VDAC1: variants seen among roughly 807,000 people sequenced by gnomAD.
VDAC1 encodes the protein voltage dependent anion channel 1, also known as non-selective voltage-gated ion channel VDAC1.
A neutral mutation model predicts 34.7 loss-of-function variants in VDAC1; 10 were observed. The ratio of observed to expected loss-of-function variants is 0.29; its 90% CI spans 0.18 to 0.49. VDAC1 has a LOEUF of 0.49. Ranked by LOEUF, VDAC1 falls within the 20% of genes least tolerant of loss-of-function variation. The pLI is 0.99. For missense variants in VDAC1, 230 were observed against 347.9 expected (o/e 0.66, Z 2.69); for synonymous variants, 130 against 136.0 (o/e 0.96, Z 0.30).
At chr5:134,016,700 A>G in the VDAC1 span, among the ~76,000 whole-genome samples, 1 of 152,224 alleles carries the variant, frequency 6.6e-6, no homozygotes, top group Non-Finnish European at 1.5e-5. Flanking sequence ...TGAAAAATAG[A>G]AAAATAAAAA....
At chr5:134,033,372 G>T in the VDAC1 span, among the ~76,000 whole-genome samples, 1 of 151,532 alleles carries the variant, frequency 6.6e-6, no homozygotes, top group Non-Finnish European at 1.5e-5. Flanking sequence ...TGGCCAGGAT[G>T]GTCTCGATCT....
chr5:134,035,736 G>T, the VDAC1 span, among the ~76,000 whole-genome samples: 1 of 152,218 alleles, frequency 6.6e-6, no homozygotes, highest in Admixed American at 6.5e-5. Flanking sequence ...GCCCGGCCTT[G>T]TGGCTCACGC....
chr5:134,062,771 C>T, the VDAC1 span, among the ~76,000 whole-genome samples: 26 of 151,464 alleles, frequency 1.7e-4, no homozygotes, highest in Non-Finnish European at 2.7e-4. Flanking sequence ...GGAGTACAGG[C>T]GCCCACCACC....
At position 133,972,542 on chromosome 5, in the gene VDAC1, G is replaced by T; in HGVS notation, c.*229C>A. 1 of 446,726 alleles carries T rather than the reference G, an allele frequency of 2.2e-6. No individual in the cohort carries two copies. The highest frequency in any genetic ancestry group is 4.0e-6 in the Non-Finnish European group (1 of 253,106). The allele number at this position is 446,726 out of a possible 1,614,324, so 27.7% of individuals were successfully genotyped here. ...AAAAAGAAACCTGGCATCTCAAAGG[G>T]GCCACCAAGTTCTCCCCGAGTCTAC... On this transcript the variant is annotated 3_prime_UTR_variant, in exon 9 of 9. Coordinates refer to ENST00000265333, the MANE Select transcript of VDAC1 (RefSeq NM_003374.3).
chr5:134,046,709 G>T, the VDAC1 span, among the ~76,000 whole-genome samples: 7 of 152,130 alleles, frequency 4.6e-5, no homozygotes, highest in Non-Finnish European at 8.8e-5. Flanking sequence ...AGCACCTCAG[G>T]GGAAAGGAAA....
chr5:133,972,170 C>G lies in VDAC1; in HGVS notation c.*601G>C, dbSNP rs7404. The G allele has an allele frequency of 6.6e-6, 1 of 151,850 alleles. No homozygotes were observed. The highest frequency in any genetic ancestry group is 1.9e-4 in the East Asian group (1 of 5,178). 9.4% of individuals were successfully genotyped at this position (151,850 alleles called of 1,614,324 possible). On this transcript the variant is annotated 3_prime_UTR_variant, in exon 9 of 9. Transcript: ENST00000265333. ...CTATTTCATACTCTGGTGCAAGGGCCAAAAAAAAACACAACACAAGAAGGA... is the reference window on the plus strand; with the variant it reads ...CTATTTCATACTCTGGTGCAAGGGCGAAAAAAAAACACAACACAAGAAGGA...
chr5:133,974,358 C>T (rs768062625), intron 7 of VDAC1, among the ~76,000 whole-genome samples: 2 of 152,076 alleles, frequency 1.3e-5, no homozygotes, highest in Admixed American at 1.3e-4. Flanking sequence ...TGTAGTAGTT[C>T]GAGGGCCTGT....
the VDAC1 span, among the ~76,000 whole-genome samples, chr5:134,056,150 T>A: frequency 0.76 from 113,683 of 150,538 alleles, 43,285 homozygotes; most frequent in East Asian, 0.89. Flanking sequence ...CTGAGGCAGG[T>A]GAATTGCTTG....
chr5:134,055,588 G>GTTTTTTTTT, the VDAC1 span, among the ~76,000 whole-genome samples: 4 of 59,616 alleles, frequency 6.7e-5, no homozygotes, highest in African/African-American at 2.2e-4. Flanking sequence ...CCCCGCTAAT[G>GTTTTTTTTT]TTTTTTTTTT....
At chr5:134,078,936 C>G in the VDAC1 span, among the ~76,000 whole-genome samples, 1 of 151,634 alleles carries the variant, frequency 6.6e-6, no homozygotes. Context: ...CAGGCGTGAG[C>G]CACTGTGCCC....
At chr5:134,087,662 C>G in the VDAC1 span, among the ~76,000 whole-genome samples, 3 of 151,928 alleles carry the variant, frequency 2.0e-5, no homozygotes, top group East Asian at 5.8e-4. Context: ...CAAGACCAGC[C>G]TGACCAACAT....
the VDAC1 span, among the ~76,000 whole-genome samples, chr5:134,025,117 A>G: frequency 6.6e-6 from 1 of 152,198 alleles, no homozygotes; most frequent in Non-Finnish European, 1.5e-5. Context: ...GCAATTTATA[A>G]AGAAAAGATC....
chr5:134,091,723 C>T, the VDAC1 span, among the ~76,000 whole-genome samples: 16 of 152,190 alleles, frequency 1.1e-4, no homozygotes, highest in South Asian at 2.1e-4. Context: ...TACCAGGCGC[C>T]GTTCTAAGCA....
At chr5:133,990,542 C>A (rs942060940) in intron 5 of VDAC1, among the ~76,000 whole-genome samples, 1 of 152,116 alleles carries the variant, frequency 6.6e-6, no homozygotes, top group Non-Finnish European at 1.5e-5. Context: ...AGCTCCTTGG[C>A]GGGTAACAAT....
At chr5:133,973,933 C>T (rs1561579521) in intron 7 of VDAC1, 85 bp from the exon 8 acceptor site, 2 of 1,343,338 alleles carry the variant, frequency 1.5e-6, no homozygotes, top group South Asian at 1.3e-5. Flanking sequence ...TTTTAGTCAA[C>T]CAACCTTGGA....
At chr5:134,096,144 C>T in the VDAC1 span, among the ~76,000 whole-genome samples, 5 of 152,354 alleles carry the variant, frequency 3.3e-5, no homozygotes, top group Non-Finnish European at 4.4e-5. Context: ...CCCCAGGGCC[C>T]GGGATTGTGC....
the VDAC1 span, among the ~76,000 whole-genome samples, chr5:134,078,647 C>CTTTTTTTTTT: frequency 2.9e-4 from 34 of 118,466 alleles, no homozygotes; most frequent in East Asian, 1.1e-3. Flanking sequence ...CCTCAAGCAT[C>CTTTTTTTTTT]TTTTTTTTTT....
chr5:134,026,274 G>C, the VDAC1 span, among the ~76,000 whole-genome samples: 1 of 152,100 alleles, frequency 6.6e-6, no homozygotes, highest in Non-Finnish European at 1.5e-5. Flanking sequence ...TTGGGAGGCC[G>C]AGGTGGGCAG....
At chr5:134,075,930 C>T in the VDAC1 span, among the ~76,000 whole-genome samples, 3 of 151,998 alleles carry the variant, frequency 2.0e-5, no homozygotes, top group Non-Finnish European at 2.9e-5. Flanking sequence ...CACAACACTA[C>T]TTATGCACTA....
Sources: allele counts gnomAD v4.1 joint callset (sites outside exome capture counted in the v4.1 genomes callset), GRCh38; gene constraint gnomAD v4.1.1; transcripts MANE v1.5; gene names NCBI Gene and HGNC (gene_info 2026-07-23, HGNC 2026-07-21).